Variants in PDE11A observed in about 807,000 individuals in gnomAD.
PDE11A encodes the protein phosphodiesterase 11A.
PDE11A carries 100 observed loss-of-function variants against 100.5 expected under a neutral mutation model. The ratio of observed to expected loss-of-function variants is 1.00; its 90% confidence interval spans 0.85 to 1.18. PDE11A has a LOEUF of 1.18. PDE11A is among the 50% of genes most tolerant of loss of function. PDE11A has a pLI of 0.00. For missense variants in PDE11A, 1,141 were observed against 1,152.6 expected, an observed-to-expected ratio of 0.99 and a Z score of 0.15; for synonymous variants, 381 against 420.8, an observed-to-expected ratio of 0.91 and a Z score of 1.16.
chr2:178,104,575 T>C, intron 1 of PDE11A: 1 of 989,308 alleles, frequency 1.0e-6, no homozygotes, highest in Non-Finnish European at 1.5e-6. Context: ...CTGAAGTGAA[T>C]GCTGATGATG....
chr2:177,828,471 T>C (rs73036091), intron 6 of PDE11A, among the ~76,000 whole-genome samples: 14,747 of 152,120 alleles, frequency 0.097, 754 homozygotes, highest in Middle Eastern at 0.14. Flanking sequence ...AGAAGAGAGA[T>C]GGTAAACAAT....
chr2:177,971,592 C>T (rs556140373), intron 2 of PDE11A, among the ~76,000 whole-genome samples: 1 of 151,982 alleles, frequency 6.6e-6, no homozygotes, highest in African/African-American at 2.4e-5. Context: ...TGAAGAACAC[C>T]AAATAGGGAC....
chr2:178,072,875 C>T, upstream of PDE11A: 1 of 1,133,904 alleles, frequency 8.8e-7, no homozygotes, highest in Non-Finnish European at 1.1e-6. Flanking sequence ...GAGCCGCGGA[C>T]GCCAGACCAG....
At chr2:177,845,623 C>T (rs1386531030) in intron 5 of PDE11A, among the ~76,000 whole-genome samples, 11 of 151,986 alleles carry the variant, frequency 7.2e-5, no homozygotes, top group East Asian at 1.9e-4. Context: ...ACTTCCCAGA[C>T]GGGGTGGCGG....
intron 1 of PDE11A, chr2:178,104,483 T>TA (rs769987041): frequency 6.2e-7 from 1 of 1,613,072 alleles, no homozygotes; most frequent in South Asian, 1.1e-5. Context: ...TGCTCTGCAA[T>TA]GGAACATTAA....
At chr2:177,781,370 G>A (rs1326526822) in intron 9 of PDE11A, among the ~76,000 whole-genome samples, 3 of 152,224 alleles carry the variant, frequency 2.0e-5, no homozygotes, top group African/African-American at 7.2e-5. Flanking sequence ...CGTATAAAAT[G>A]TTGTAAGAAT....
intron 5 of PDE11A, among the ~76,000 whole-genome samples, chr2:177,864,947 C>T (rs1477794315): frequency 1.3e-5 from 2 of 152,100 alleles, no homozygotes; most frequent in Non-Finnish European, 2.9e-5. Context: ...AATTCTGAGC[C>T]TGAATAGCAC....
At chr2:177,665,102 T>C (rs1045639500) in intron 18 of PDE11A, among the ~76,000 whole-genome samples, 3 of 152,182 alleles carry the variant, frequency 2.0e-5, no homozygotes, top group African/African-American at 7.2e-5. Context: ...GAAAGAAGAC[T>C]GGAATTTGGA....
At chr2:177,946,419 C>T (rs2085430974) in intron 2 of PDE11A, among the ~76,000 whole-genome samples, 1 of 71,254 alleles carries the variant, frequency 1.4e-5, no homozygotes, top group African/African-American at 6.1e-5. Context: ...AGTGAGGAGC[C>T]CCTCTGCCCG....
intron 12 of PDE11A, among the ~76,000 whole-genome samples, chr2:177,715,017 C>G (rs1019845883): frequency 6.6e-6 from 1 of 152,230 alleles, no homozygotes; most frequent in Admixed American, 6.5e-5. Context: ...GCAGCCCATG[C>G]CTTTCTTTTT....
At position 177,981,566 on chromosome 2, in the gene PDE11A, G is replaced by C. The variant is rs2085882002; in HGVS notation, c.1071+32736C>G. Among the ~76,000 whole-genome samples the C allele has an allele frequency of 1.3e-5, 2 of 150,598 alleles. 1 individual carries two copies. The highest frequency in any genetic ancestry group is 4.3e-4 in the South Asian group (2 of 4,636). ...AATTGACTCTTTTTAAAGGACACCAGTCATATTGGATTAGGGTCTACCCTA... is the reference window on the plus strand; with the variant it reads ...AATTGACTCTTTTTAAAGGACACCACTCATATTGGATTAGGGTCTACCCTA... On this transcript the variant is annotated intron_variant, in intron 2 of 19. Transcript: ENST00000286063.
chr2:178,034,894 T>C (rs1033179818), intron 1 of PDE11A, among the ~76,000 whole-genome samples: 2 of 152,184 alleles, frequency 1.3e-5, no homozygotes, highest in Non-Finnish European at 2.9e-5. Flanking sequence ...GGGAAATTTA[T>C]AGCACTAAAT....
At chr2:177,634,777 T>C (rs944815214) in intron 19 of PDE11A, among the ~76,000 whole-genome samples, 2 of 152,214 alleles carry the variant, frequency 1.3e-5, no homozygotes, top group Non-Finnish European at 2.9e-5. Context: ...CAAGGGTTTA[T>C]CCACGAACCT....
chr2:177,857,540 A>G (rs974565578), intron 5 of PDE11A, among the ~76,000 whole-genome samples: 11 of 152,184 alleles, frequency 7.2e-5, no homozygotes, highest in African/African-American at 2.6e-4. Context: ...AACACAAATG[A>G]AGGGGTAGGG....
intron 12 of PDE11A, among the ~76,000 whole-genome samples, chr2:177,717,204 TA>T (rs2081451314): frequency 6.6e-6 from 1 of 152,136 alleles, no homozygotes; most frequent in Non-Finnish European, 1.5e-5. Context: ...AAGCAGCACC[TA>T]TCTCTTGACT....
chr2:177,785,791 A>G (rs1475809026), intron 9 of PDE11A, among the ~76,000 whole-genome samples: 2 of 152,186 alleles, frequency 1.3e-5, no homozygotes, highest in Non-Finnish European at 2.9e-5. Context: ...TTGCTAGCAC[A>G]GCAGTCTGAG....
chr2:178,000,310 T>C (rs1379386507), intron 2 of PDE11A, among the ~76,000 whole-genome samples: 9 of 152,166 alleles, frequency 5.9e-5, no homozygotes, highest in Admixed American at 3.9e-4. Flanking sequence ...CAGAGTTATA[T>C]TATATTTGAA....
chr2:177,917,427 G>A (rs1281685514), intron 2 of PDE11A, among the ~76,000 whole-genome samples: 1 of 152,152 alleles, frequency 6.6e-6, no homozygotes, highest in South Asian at 2.1e-4. Context: ...AATGTGACAA[G>A]AACCCAGTAA....
At chr2:177,826,227 T>C (rs1235031011) in intron 6 of PDE11A, among the ~76,000 whole-genome samples, 2 of 152,256 alleles carry the variant, frequency 1.3e-5, no homozygotes, top group South Asian at 2.1e-4. Flanking sequence ...TTCCAATTAA[T>C]GGATCTAATT....
Sources: gnomAD v4.1 joint callset for allele counts (sites outside exome capture counted in the v4.1 genomes callset) on GRCh38, gnomAD v4.1.1 for gene constraint, MANE v1.5 for transcripts, NCBI Gene and HGNC (gene_info 2026-07-23, HGNC 2026-07-21) for gene names.